PDE1C: variants seen among roughly 807,000 people sequenced by gnomAD.
PDE1C encodes the protein phosphodiesterase 1C.
A neutral mutation model predicts 93.1 loss-of-function variants in PDE1C; 62 were observed. The ratio of observed to expected loss-of-function variants is 0.67; its 90% confidence interval spans 0.54 to 0.82. PDE1C has a LOEUF of 0.82. PDE1C is among the 40% of genes least tolerant of loss of function. The pLI is 0.00. For synonymous variants in PDE1C, 325 were observed against 310.1 expected (o/e 1.05, Z -0.50); for missense variants, 742 against 884.6 (o/e 0.84, Z 2.04).
chr7:32,102,463 T>C (rs1159540137), intron 3 of PDE1C, among the ~76,000 whole-genome samples: 1 of 152,216 alleles, frequency 6.6e-6, no homozygotes, highest in East Asian at 1.9e-4. Flanking sequence ...TCCTTATCTG[T>C]GAAGTGACAG....
chr7:32,265,109 G>A (rs1041402715), intron 1 of PDE1C, among the ~76,000 whole-genome samples: 5 of 152,198 alleles, frequency 3.3e-5, no homozygotes, highest in African/African-American at 1.2e-4. Context: ...TCCAGAGAGA[G>A]CAACCTTAGC....
At chr7:31,847,597 A>G (rs1792795905) in intron 9 of PDE1C, among the ~76,000 whole-genome samples, 1 of 152,162 alleles carries the variant, frequency 6.6e-6, no homozygotes. Context: ...GAACACTGTT[A>G]GAAGTGATTT....
At chr7:31,692,536 T>C in the PDE1C span, 1 of 1,580,106 alleles carries the variant, frequency 6.3e-7, no homozygotes, top group Non-Finnish European at 8.7e-7. Flanking sequence ...AAACAAATGA[T>C]CGATTGTGAA....
intron 1 of PDE1C, among the ~76,000 whole-genome samples, chr7:32,226,778 C>T (rs561773985): frequency 2.0e-5 from 3 of 152,162 alleles, no homozygotes; most frequent in African/African-American, 4.8e-5. Flanking sequence ...GCCGAAACAC[C>T]GAGTTACCAG....
At chr7:31,797,786 C>T (rs536404414) in intron 16 of PDE1C, among the ~76,000 whole-genome samples, 3 of 151,684 alleles carry the variant, frequency 2.0e-5, no homozygotes, top group East Asian at 2.0e-4. Flanking sequence ...AACGCAGTAT[C>T]GTCAAGATTA....
At chr7:32,151,016 T>C (rs1419693789) in intron 3 of PDE1C, among the ~76,000 whole-genome samples, 2 of 152,174 alleles carry the variant, frequency 1.3e-5, no homozygotes, top group Non-Finnish European at 1.5e-5. Flanking sequence ...AAAAACAAAA[T>C]GTTTTCCCAG....
intron 7 of PDE1C, among the ~76,000 whole-genome samples, chr7:31,856,582 T>C (rs1057461848): frequency 4.6e-4 from 70 of 152,200 alleles, no homozygotes; most frequent in African/African-American, 1.6e-3. Context: ...GTGTGTTGAA[T>C]AGATGAGTTC....
chr7:32,097,906 C>T (rs1797836519), intron 3 of PDE1C, among the ~76,000 whole-genome samples: 1 of 152,146 alleles, frequency 6.6e-6, no homozygotes, highest in Non-Finnish European at 1.5e-5. Flanking sequence ...ATGCTGAGTG[C>T]CCATGTGCCA....
intron 11 of PDE1C, among the ~76,000 whole-genome samples, chr7:31,830,781 A>G (rs1343327080): frequency 6.6e-6 from 1 of 152,144 alleles, no homozygotes; most frequent in East Asian, 1.9e-4. Flanking sequence ...CTACTTCTCC[A>G]TGTTTTCCCC....
intron 1 of PDE1C, among the ~76,000 whole-genome samples, chr7:32,222,972 C>T (rs756049549): frequency 3.3e-5 from 5 of 152,270 alleles, no homozygotes; most frequent in East Asian, 1.9e-4. Flanking sequence ...GTAAATCGTG[C>T]GGGCTTCACT....
At chr7:32,123,254 T>G (rs529398245) in intron 3 of PDE1C, among the ~76,000 whole-genome samples, 1 of 152,116 alleles carries the variant, frequency 6.6e-6, no homozygotes. Flanking sequence ...TAGTACCACA[T>G]GCATTCACAG....
chr7:32,334,027 C>T (rs215639), intron 1 of PDE1C, among the ~76,000 whole-genome samples: 88,603 of 151,932 alleles, frequency 0.58, 27,406 homozygotes, highest in Admixed American at 0.7. Flanking sequence ...ATGAAACAGA[C>T]ACCTTTTCAA....
At chr7:31,790,317 TCCACCCTCCA>T (rs1784439031) in intron 16 of PDE1C, 1 of 1,478,272 alleles carries the variant, frequency 6.8e-7, no homozygotes, top group East Asian at 2.3e-5. Context: ...CCCGCCCACC[TCCACCCTCCA>T]AGTCTGAGGA....
In PDE1C at chr7:31,805,047, C is replaced by T. The variant is rs564891436; in HGVS notation, c.1891+3984G>A. Among the ~76,000 whole-genome samples, 24 of 151,690 alleles carry T rather than the reference C, an allele frequency of 1.6e-4. 2 individuals are homozygous for T. The South Asian group carries it at 3.3e-3, about 21-fold the overall frequency. On this transcript the variant is annotated intron_variant, in intron 16 of 17. Transcript: ENST00000396191. ...TTCTCATGATAGTAAATAAGTCTCA[C>T]GAGATGTGATGATTTTATAATGGGC...
the PDE1C span, chr7:31,643,680 G>A: frequency 1.2e-6 from 2 of 1,614,042 alleles, no homozygotes; most frequent in Non-Finnish European, 1.7e-6. Flanking sequence ...TAAGCAACAA[G>A]ACCTTGACAC....
the PDE1C span, among the ~76,000 whole-genome samples, chr7:31,632,265 G>A: frequency 1.3e-5 from 2 of 151,906 alleles, no homozygotes; most frequent in Admixed American, 1.3e-4. Flanking sequence ...TGGCTAACAC[G>A]GTGAAACTCC....
chr7:31,683,027 G>A, the PDE1C span, among the ~76,000 whole-genome samples: 1 of 152,308 alleles, frequency 6.6e-6, no homozygotes, highest in South Asian at 2.1e-4. Context: ...AGAGCAACAG[G>A]AGAGATCTCT....
At chr7:32,297,995 CTCCT>C (rs1812707510) in intron 1 of PDE1C, among the ~76,000 whole-genome samples, 3 of 37,656 alleles carry the variant, frequency 8.0e-5, no homozygotes, top group African/African-American at 3.9e-4. Flanking sequence ...CTCTCTCTCT[CTCCT>C]CTCTCTCTCT....
intron 3 of PDE1C, among the ~76,000 whole-genome samples, chr7:32,133,611 T>C (rs935277597): frequency 6.6e-6 from 1 of 152,056 alleles, no homozygotes; most frequent in Non-Finnish European, 1.5e-5. Context: ...TAAAATGAAA[T>C]CTGAGTGACC....
Sources: allele counts gnomAD v4.1 joint callset (sites outside exome capture counted in the v4.1 genomes callset), GRCh38; gene constraint gnomAD v4.1.1; transcripts MANE v1.5; gene names NCBI Gene and HGNC (gene_info 2026-07-23, HGNC 2026-07-21).